Variants in PRTG observed in about 807,000 individuals in gnomAD.
PRTG encodes protogenin, also known as immunoglobulin superfamily, DCC subclass, member 5.
PRTG carries 67 observed loss-of-function variants against 122.5 expected under a neutral mutation model. The ratio of observed to expected loss-of-function variants is 0.55; its 90% CI spans 0.45 to 0.67. The LOEUF is 0.67. Ranked by LOEUF, PRTG falls within the 30% of genes least tolerant of loss-of-function variation. The pLI is 0.00. For missense variants in PRTG, 1,435 were observed against 1,415.4 expected (o/e 1.01, Z -0.22); for synonymous variants, 554 against 501.1 (o/e 1.11, Z -1.41).
intron 2 of PRTG, among the ~76,000 whole-genome samples, chr15:55,718,004 C>T (rs916336223): frequency 1.3e-5 from 2 of 152,192 alleles, no homozygotes; most frequent in African/African-American, 4.8e-5. Context: ...GAGAAAGATC[C>T]ACCTACGACC....
intron 2 of PRTG, among the ~76,000 whole-genome samples, chr15:55,685,922 T>G (rs2059568105): frequency 6.6e-6 from 1 of 152,160 alleles, no homozygotes; most frequent in Non-Finnish European, 1.5e-5. Flanking sequence ...CCACTTACAA[T>G]GGTGTTTCAC....
rs75403514 is a variant in PRTG at position 55,673,468 on chromosome 15, A to G, written c.1755T>C (p.Ser585=). ...CAGCAGTAATCCGAACCAGGTAGACACTGTCAGGTTTCAGGCCTTCCAAAA... is the reference window on the plus strand; with the variant it reads ...CAGCAGTAATCCGAACCAGGTAGACGCTGTCAGGTTTCAGGCCTTCCAAAA... The part of the protein sequence containing the change: ...EYLLEGLKPD[S]VYLVRITAAT... Residue 585 remains serine (S), a synonymous_variant, in exon 10 of 20, where the codon AGT becomes AGC. Transcript: ENST00000389286. 0.013 allele frequency: 20,393 copies of G among 1,614,126 alleles called. 179 individuals are homozygous for G. The highest frequency in any genetic ancestry group is 0.015 in the Non-Finnish European group (17,935 of 1,179,992).
intron 2 of PRTG, among the ~76,000 whole-genome samples, chr15:55,736,964 T>C (rs913690879): frequency 6.6e-6 from 1 of 152,222 alleles, no homozygotes; most frequent in Admixed American, 6.5e-5. Context: ...AATTTAAACT[T>C]GTTGAAACGT....
chr15:55,696,241 A>G (rs1348582707), intron 2 of PRTG, among the ~76,000 whole-genome samples: 1 of 152,122 alleles, frequency 6.6e-6, no homozygotes, highest in East Asian at 1.9e-4. Context: ...TCCAGCCTGG[A>G]TGAGAAGAGA....
intron 11 of PRTG, among the ~76,000 whole-genome samples, chr15:55,654,878 T>C (rs1270300713): frequency 6.6e-6 from 1 of 152,180 alleles, no homozygotes; most frequent in Non-Finnish European, 1.5e-5. Flanking sequence ...ATCTATCATC[T>C]CCTGAACCAC....
chr15:55,648,468 A>AT lies in PRTG; in HGVS notation c.2042-7261dup, dbSNP rs144282023. Among the ~76,000 whole-genome samples the AT allele has an allele frequency of 9.5e-3, 1,439 of 152,250 alleles. 17 individuals carry two copies. The highest frequency in any genetic ancestry group is 0.033 in the African/African-American group (1,388 of 41,542). On this transcript the variant is annotated intron_variant, in intron 11 of 19. Coordinates refer to ENST00000389286, the MANE Select transcript of PRTG (RefSeq NM_173814.6). ...CCTTAAGTAACCTACACTGAAACAT[A>AT]TTTCTAAACACCACACAACAAAAAA...
rs80064850 is a variant in PRTG at position 55,682,297 on chromosome 15, G to A, written c.676+67C>T. Reference sequence around the variant, plus strand: ...TACTTTATGGCACATTATTACAGCAGAGGAGAAGAAGTAACAACTGCGCCA... The same window carrying A: ...TACTTTATGGCACATTATTACAGCAAAGGAGAAGAAGTAACAACTGCGCCA... On this transcript the variant is annotated intron_variant, in intron 4 of 19. Coordinates refer to ENST00000389286, the MANE Select transcript of PRTG (RefSeq NM_173814.6). 241 of 1,289,936 alleles carry A rather than the reference G, an allele frequency of 1.9e-4. No individual in the cohort carries two copies. In the East Asian group the frequency reaches 6.1e-3, roughly 33 times the overall value. 79.9% of individuals were successfully genotyped at this position (1,289,936 alleles called of 1,614,324 possible). A position where few individuals can be genotyped will look rare whatever the true frequency, so the allele number is the denominator to read the frequency against.
chr15:55,653,227 C>G (rs910850134), intron 11 of PRTG, among the ~76,000 whole-genome samples: 5 of 152,094 alleles, frequency 3.3e-5, no homozygotes, highest in African/African-American at 1.2e-4. Context: ...CCTGTGTATT[C>G]TATATACAGC....
intron 2 of PRTG, among the ~76,000 whole-genome samples, chr15:55,716,165 G>A (rs897706033): frequency 1.3e-5 from 2 of 152,126 alleles, no homozygotes; most frequent in Non-Finnish European, 2.9e-5. Context: ...CCCTAGAGGC[G>A]GAAGTTGCAG....
At chr15:55,675,051 T>C (rs1211127749) in intron 9 of PRTG, among the ~76,000 whole-genome samples, 1 of 152,090 alleles carries the variant, frequency 6.6e-6, no homozygotes, top group Non-Finnish European at 1.5e-5. Flanking sequence ...ACAAGTAATA[T>C]TTTCCCCCTT....
intron 2 of PRTG, among the ~76,000 whole-genome samples, chr15:55,739,581 G>C (rs1488114686): frequency 6.6e-6 from 1 of 152,144 alleles, no homozygotes; most frequent in African/African-American, 2.4e-5. Context: ...TGAGAGCTGC[G>C]TGTTTCATCA....
intron 11 of PRTG, among the ~76,000 whole-genome samples, chr15:55,660,932 T>A (rs1192456263): frequency 6.6e-5 from 10 of 152,180 alleles, no homozygotes; most frequent in African/African-American, 2.4e-4. Flanking sequence ...AAGGTCTCAA[T>A]TTGATGCGCC....
chr15:55,679,530 C>G (rs780162845), intron 6 of PRTG, 85 bp from the exon 7 acceptor site: 24 of 1,004,508 alleles, frequency 2.4e-5, no homozygotes, highest in Non-Finnish European at 3.5e-5. Flanking sequence ...GCAAATGAAA[C>G]AAGCCCCATT....
intron 7 of PRTG, among the ~76,000 whole-genome samples, 171 bp downstream of exon 7, chr15:55,679,115 A>G (rs904588716): frequency 6.6e-6 from 1 of 152,232 alleles, no homozygotes; most frequent in African/African-American, 2.4e-5. Flanking sequence ...TATTTAGCAT[A>G]GCACATGTAT....
intron 12 of PRTG, among the ~76,000 whole-genome samples, chr15:55,640,150 C>T (rs1311431929): frequency 5.3e-5 from 8 of 152,182 alleles, no homozygotes; most frequent in East Asian, 3.9e-4. Context: ...GCCTACTGCA[C>T]ACCTGGGCTT....
chr15:55,715,303 A>G (rs1193775534), intron 2 of PRTG, among the ~76,000 whole-genome samples: 1 of 152,198 alleles, frequency 6.6e-6, no homozygotes, highest in African/African-American at 2.4e-5. Flanking sequence ...GCTAATCAGG[A>G]TATTTTCCAC....
At chr15:55,693,006 A>C (rs2059612878) in intron 2 of PRTG, among the ~76,000 whole-genome samples, 1 of 150,592 alleles carries the variant, frequency 6.6e-6, no homozygotes, top group Admixed American at 6.6e-5. Context: ...ACGGCCAGCT[A>C]ATTTTTTTTT....
At chr15:55,715,527 C>A (rs1324983177) in intron 2 of PRTG, among the ~76,000 whole-genome samples, 10 of 152,184 alleles carry the variant, frequency 6.6e-5, no homozygotes, top group Non-Finnish European at 1.5e-4. Context: ...GACCTCAGGG[C>A]AACTCCAAGC....
rs563123175 is a variant in PRTG at position 55,613,081 on chromosome 15, A to G, written c.*6931T>C. 1.3e-5 allele frequency: 2 copies of G among 152,044 alleles called. No homozygotes were observed. The highest frequency in any genetic ancestry group is 2.9e-5 in the Non-Finnish European group (2 of 67,936). 9.4% of individuals were successfully genotyped at this position (152,044 alleles called of 1,614,324 possible). On this transcript the variant is annotated 3_prime_UTR_variant, in exon 20 of 20. Coordinates refer to ENST00000389286, the MANE Select transcript of PRTG (RefSeq NM_173814.6). ...TCAAAGTACTATTGTTTCATTTTGCACAAAAAAATTATCCTCATTTCATGG... is the reference window on the plus strand; with the variant it reads ...TCAAAGTACTATTGTTTCATTTTGCGCAAAAAAATTATCCTCATTTCATGG...
Sources: gnomAD v4.1 joint callset for allele counts (sites outside exome capture counted in the v4.1 genomes callset) on GRCh38, gnomAD v4.1.1 for gene constraint, MANE v1.5 for transcripts, NCBI Gene and HGNC (gene_info 2026-07-23, HGNC 2026-07-21) for gene names.